Variants in ADGRL4 observed in about 807,000 individuals in gnomAD.
ADGRL4 encodes the protein EGF, latrophilin and seven transmembrane domain containing 1.
A neutral mutation model predicts 74.8 loss-of-function variants in ADGRL4; 90 were observed. The ratio of observed to expected loss-of-function variants is 1.20; its 90% CI spans 1.02 to 1.43. The LOEUF (loss-of-function observed/expected upper bound fraction) is 1.43. Among genes scored for constraint, ADGRL4 ranks in the 40% most tolerant of loss-of-function variants. ADGRL4 has a pLI of 0.00. For missense variants in ADGRL4, 881 were observed against 814.3 expected (o/e 1.08, Z -1.00); for synonymous variants, 311 against 279.2 (o/e 1.11, Z -1.14).
intron 8 of ADGRL4, among the ~76,000 whole-genome samples, chr1:78,926,095 G>C (rs1649107533): frequency 6.6e-6 from 1 of 151,810 alleles, no homozygotes; most frequent in Non-Finnish European, 1.5e-5. Context: ...TGTTTGTATT[G>C]TGTGTGAGCA....
intron 12 of ADGRL4, among the ~76,000 whole-genome samples, chr1:78,897,270 C>T (rs1648418005): frequency 6.6e-6 from 1 of 152,134 alleles, no homozygotes; most frequent in African/African-American, 2.4e-5. Flanking sequence ...GCTTCAGTGT[C>T]TGATCTTGTG....
intron 3 of ADGRL4, among the ~76,000 whole-genome samples, chr1:78,945,539 T>C (rs1649583296): frequency 6.6e-6 from 1 of 152,126 alleles, no homozygotes; most frequent in South Asian, 2.1e-4. Context: ...CTGTTGAAGT[T>C]TATAAATAAT....
chr1:78,923,670 G>T (rs538514475), intron 8 of ADGRL4, among the ~76,000 whole-genome samples: 368 of 151,894 alleles, frequency 2.4e-3, no homozygotes, highest in African/African-American at 8.3e-3. Flanking sequence ...ATATCTCAGA[G>T]AGATGAGATA....
At position 78,917,936 on chromosome 1, in the gene ADGRL4, T is replaced by C; in HGVS notation, c.1576A>G (p.Lys526Glu). 6.2e-7 allele frequency: 1 copy of C among 1,612,738 alleles called. No individual in the cohort carries two copies. Among genetic ancestry groups the C allele is most frequent in the Non-Finnish European group, 8.5e-7 (1 of 1,179,130 alleles). The change falls in exon 11 of 15, where the codon AAG (lysine) becomes GAG (glutamate). Residue 526 changes from lysine (K) to glutamate (E), a missense_variant. By Grantham distance (56) the Lys-to-Glu change is moderately conservative. Coordinates refer to ENST00000370742, the MANE Select transcript of ADGRL4 (RefSeq NM_022159.4). Reference sequence around the variant, plus strand: ...TAAAAATTCTTGTGCAAAAATCCCTTGTTGTAGATGACACCCACAACAATG... The same window carrying C: ...TAAAAATTCTTGTGCAAAAATCCCTCGTTGTAGATGACACCCACAACAATG... ...YLIVVGVIYN[K>E]GFLHKNFYIF...
At chr1:78,948,073 C>T (rs182350122) in intron 2 of ADGRL4, among the ~76,000 whole-genome samples, 14 of 152,136 alleles carry the variant, frequency 9.2e-5, no homozygotes, top group Admixed American at 7.9e-4. Context: ...GGCATCATAC[C>T]TAAGAGTTTT....
rs570810036 is a variant in ADGRL4, at chr1:78,932,286, A to G, written c.877+4009T>C. 2.2e-4 allele frequency among the ~76,000 whole-genome samples: 34 copies of G among 151,538 alleles called. 1 individual carries two copies. In the South Asian group the frequency reaches 7.0e-3, roughly 31 times the overall value. On this transcript the variant is annotated intron_variant, in intron 7 of 14. Coordinates refer to ENST00000370742, the MANE Select transcript of ADGRL4 (RefSeq NM_022159.4). ...ATAAGAAACTCACTCAAAACCATAC[A>G]CTTACATGGAAGTTGAACAACCTGC... is the stretch of plus-strand genomic sequence containing the variant.
intron 9 of ADGRL4, 52 bp downstream of exon 9, chr1:78,921,561 A>T: frequency 8.2e-7 from 1 of 1,213,138 alleles, no homozygotes; most frequent in Non-Finnish European, 1.1e-6. Context: ...ATGATGCGGA[A>T]AAAAAACAGA....
chr1:78,983,583 G>A (rs1650438069), intron 2 of ADGRL4, among the ~76,000 whole-genome samples: 1 of 151,794 alleles, frequency 6.6e-6, no homozygotes, highest in African/African-American at 2.4e-5. Context: ...AGAAGATGTT[G>A]ATGTTTAAGA....
intron 2 of ADGRL4, among the ~76,000 whole-genome samples, chr1:78,967,123 C>T (rs1422383011): frequency 6.6e-6 from 1 of 152,094 alleles, no homozygotes; most frequent in Non-Finnish European, 1.5e-5. Context: ...CCTTTCAGTT[C>T]ACATGACTTT....
chr1:78,930,838 A>G (rs1226269614), intron 7 of ADGRL4, among the ~76,000 whole-genome samples: 2 of 151,378 alleles, frequency 1.3e-5, no homozygotes, highest in Non-Finnish European at 2.9e-5. Context: ...TTAAGTTTGC[A>G]CATTAGTTAC....
intron 8 of ADGRL4, among the ~76,000 whole-genome samples, chr1:78,925,795 G>A (rs1649100070): frequency 6.6e-6 from 1 of 152,096 alleles, no homozygotes; most frequent in Non-Finnish European, 1.5e-5. Context: ...GATTGGTGAA[G>A]TGGGTTGTTC....
chr1:78,992,333 A>G (rs1406352421), intron 2 of ADGRL4, among the ~76,000 whole-genome samples: 1 of 152,092 alleles, frequency 6.6e-6, no homozygotes, highest in African/African-American at 2.4e-5. Context: ...AATATAAATT[A>G]TGTATCTGAA....
chr1:79,005,034 CA>C, intron 2 of ADGRL4, 35 bp downstream of exon 2: 6 of 1,581,226 alleles, frequency 3.8e-6, no homozygotes, highest in Non-Finnish European at 5.2e-6. Context: ...TTTAATCTTA[CA>C]GTATAATCCA....
intron 8 of ADGRL4, 79 bp downstream of exon 8, chr1:78,926,807 A>T: frequency 9.7e-7 from 1 of 1,035,680 alleles, no homozygotes; most frequent in South Asian, 1.6e-5. Flanking sequence ...AACTCAGATA[A>T]TTTAAGTGAC....
At chr1:78,989,479 T>A (rs1039009570) in intron 2 of ADGRL4, among the ~76,000 whole-genome samples, 1 of 151,888 alleles carries the variant, frequency 6.6e-6, no homozygotes, top group Admixed American at 6.6e-5. Context: ...TTATTTTGTT[T>A]TTTTTCCTTT....
At chr1:78,914,642 T>A (rs1570223449) in intron 12 of ADGRL4, among the ~76,000 whole-genome samples, 1 of 28,238 alleles carries the variant, frequency 3.5e-5, no homozygotes, top group Non-Finnish European at 9.9e-5. Context: ...TAAAAGTTAC[T>A]TTTTTTTTTC....
chr1:79,003,998 T>G (rs1650895933), intron 2 of ADGRL4, among the ~76,000 whole-genome samples: 1 of 152,052 alleles, frequency 6.6e-6, no homozygotes, highest in Admixed American at 6.6e-5. Context: ...TGTACATTTT[T>G]TAAATATTCA....
chr1:78,945,797 T>A (rs1318777315), intron 3 of ADGRL4, among the ~76,000 whole-genome samples: 1 of 150,994 alleles, frequency 6.6e-6, no homozygotes, highest in African/African-American at 2.4e-5. Flanking sequence ...ATCTGAAGTG[T>A]GACTTTTATT....
At position 78,930,467 on chromosome 1, in the gene ADGRL4, T is replaced by G. The variant is rs1394772438; in HGVS notation, c.878-3376A>C. Among the ~76,000 whole-genome samples the G allele has an allele frequency of 1.3e-4, 15 of 114,132 alleles. 1 individual carries two copies. The highest frequency in any genetic ancestry group is 4.6e-4 in the African/African-American group (14 of 30,244). The allele number at this position is 114,132 out of a possible 152,430, so 74.9% of individuals were successfully genotyped here. On this transcript the variant is annotated intron_variant, in intron 7 of 14. Transcript: ENST00000370742. ...AGCTGATTTTTTTTTTTTTTTTTTTTTTGTGATGGATTCTTGCTCTGTCAC... is the reference window on the plus strand; with the variant it reads ...AGCTGATTTTTTTTTTTTTTTTTTTGTTGTGATGGATTCTTGCTCTGTCAC...
Sources: gnomAD v4.1 joint callset for allele counts (sites outside exome capture counted in the v4.1 genomes callset) on GRCh38, gnomAD v4.1.1 for gene constraint, MANE v1.5 for transcripts, NCBI Gene and HGNC (gene_info 2026-07-23, HGNC 2026-07-21) for gene names.